KATNAL2: variants seen among roughly 807,000 people sequenced by gnomAD.
KATNAL2 encodes the protein katanin p60 ATPase-containing subunit A-like 2.
A neutral mutation model predicts 76.3 loss-of-function variants in KATNAL2; 52 were observed. The ratio of observed to expected loss-of-function variants is 0.68; its 90% CI spans 0.55 to 0.86. The LOEUF is 0.86. Ranked by LOEUF, KATNAL2 falls within the 40% of genes least tolerant of loss-of-function variation. The pLI is 0.00. For synonymous variants in KATNAL2, 243 were observed against 244.2 expected (o/e 1.00, Z 0.05); for missense variants, 660 against 668.9 (o/e 0.99, Z 0.15).
In KATNAL2 at chr18:46,921,279, C is replaced by T. The variant is rs560622417; in HGVS notation, c.-510+3353C>T. On this transcript the variant is annotated intron_variant, in intron 1 of 17. Coordinates refer to ENST00000683218, the MANE Select transcript of KATNAL2 (RefSeq NM_001387690.1). Reference sequence around the variant, plus strand: ...AGTAGCTGGGATTACAGGCACCCGCCACCATGCCCAGCTAATTTTTGTACT... The same window carrying T: ...AGTAGCTGGGATTACAGGCACCCGCTACCATGCCCAGCTAATTTTTGTACT... Among the ~76,000 whole-genome samples, 5 of 152,244 alleles carry T rather than the reference C, an allele frequency of 3.3e-5. 1 individual carries two copies. The highest frequency in any genetic ancestry group is 3.3e-4 in the Admixed American group (5 of 15,284).
At chr18:46,958,713 G>A (rs1389018401) in intron 3 of KATNAL2, among the ~76,000 whole-genome samples, 1 of 152,162 alleles carries the variant, frequency 6.6e-6, no homozygotes, top group Non-Finnish European at 1.5e-5. Context: ...TAACCTGAAT[G>A]TAAGAATCCT....
chr18:46,936,560 C>T (rs1030703463), intron 1 of KATNAL2, among the ~76,000 whole-genome samples: 1 of 151,994 alleles, frequency 6.6e-6, no homozygotes, highest in African/African-American at 2.4e-5. Flanking sequence ...GGCAACATAG[C>T]GAGATTCCAT....
At position 47,058,268 on chromosome 18, in the gene KATNAL2, G is replaced by T. The variant is rs1280577943; in HGVS notation, c.366G>T (p.Lys122Asn). Reference sequence around the variant, plus strand: ...ACGACAGTTGTCAAAATCTTCCCAAGATCAATCAGCAGAGGCCCCGGTCCA... The same window carrying T: ...ACGACAGTTGTCAAAATCTTCCCAATATCAATCAGCAGAGGCCCCGGTCCA... ...MMNDSCQNLP[K>N]INQQRPRSKT... Residue 122 changes from lysine to asparagine, a missense_variant, in exon 7 of 18, where the codon AAG (lysine) becomes AAT (asparagine). Coordinates refer to ENST00000683218, the MANE Select transcript of KATNAL2 (RefSeq NM_001387690.1). 6.2e-7 allele frequency: 1 copy of T among 1,613,998 alleles called. No homozygotes were observed. Among genetic ancestry groups the T allele is most frequent in the African/African-American group, 1.3e-5 (1 of 75,034 alleles).
intron 3 of KATNAL2, among the ~76,000 whole-genome samples, chr18:47,032,013 C>G (rs2060486690): frequency 2.0e-5 from 3 of 152,342 alleles, no homozygotes; most frequent in South Asian, 4.1e-4. Context: ...GTGATCTGAA[C>G]TCAAGGTAGT....
intron 15 of KATNAL2, among the ~76,000 whole-genome samples, chr18:47,097,342 AGTTCCATGGCC>A (rs2063292296): frequency 6.6e-6 from 1 of 152,162 alleles, no homozygotes; most frequent in African/African-American, 2.4e-5. Context: ...TACAACGGAG[AGTTCCATGGCC>A]ACCAGAAAAT....
At chr18:46,928,387 C>T (rs1449133637) in intron 1 of KATNAL2, among the ~76,000 whole-genome samples, 1 of 152,182 alleles carries the variant, frequency 6.6e-6, no homozygotes. Context: ...GCAGCGGTGG[C>T]TGCAGAACAG....
At chr18:46,936,580 ATAATC>A (rs2059099051) in intron 1 of KATNAL2, among the ~76,000 whole-genome samples, 2 of 152,206 alleles carry the variant, frequency 1.3e-5, no homozygotes, top group South Asian at 4.1e-4. Context: ...TCTCAAATGA[ATAATC>A]TAGGGGTCAA....
chr18:47,070,091 T>G (rs553646852), intron 13 of KATNAL2, among the ~76,000 whole-genome samples: 216 of 131,406 alleles, frequency 1.6e-3, no homozygotes, highest in African/African-American at 5.2e-3. Flanking sequence ...TAAGATTTTT[T>G]GCTTTCTTTT....
At chr18:47,049,879 GTTTA>G (rs1342980307) in intron 4 of KATNAL2, among the ~76,000 whole-genome samples, 4 of 152,172 alleles carry the variant, frequency 2.6e-5, no homozygotes, top group East Asian at 3.9e-4. Context: ...GACACTGTTT[GTTTA>G]TTTATTTATT....
At chr18:47,053,225 G>A (rs896182623) in intron 5 of KATNAL2, among the ~76,000 whole-genome samples, 179 bp downstream of exon 5, 4 of 152,146 alleles carry the variant, frequency 2.6e-5, no homozygotes, top group Non-Finnish European at 2.9e-5. Context: ...CCTGGACACT[G>A]ATATCCCTTT....
chr18:47,034,038 A>G (rs766682545), intron 3 of KATNAL2: 2 of 1,614,080 alleles, frequency 1.2e-6, no homozygotes, highest in Admixed American at 3.3e-5. Context: ...TCCTTTGTTT[A>G]TCTCCAAGTG....
At chr18:47,095,401 G>T (rs1798405461) in intron 15 of KATNAL2, among the ~76,000 whole-genome samples, 1 of 151,944 alleles carries the variant, frequency 6.6e-6, no homozygotes, top group Non-Finnish European at 1.5e-5. Context: ...TTTCCCCCAT[G>T]CTGTTCTCAT....
intron 3 of KATNAL2, among the ~76,000 whole-genome samples, chr18:47,036,611 AT>A (rs1476987626): frequency 6.6e-6 from 1 of 152,280 alleles, no homozygotes; most frequent in African/African-American, 2.4e-5. Flanking sequence ...CTTTAAAGAA[AT>A]TTTTACTCTT....
intron 3 of KATNAL2, chr18:47,033,955 T>G (rs1341016095): frequency 6.2e-7 from 1 of 1,613,206 alleles, no homozygotes. Flanking sequence ...CCTCTCTGAC[T>G]GGCTTTCCTG....
At chr18:47,096,602 C>T (rs1189964592) in intron 15 of KATNAL2, among the ~76,000 whole-genome samples, 1 of 152,106 alleles carries the variant, frequency 6.6e-6, no homozygotes, top group Admixed American at 6.5e-5. Flanking sequence ...GGATTACAGG[C>T]GTGAGCCACC....
intron 3 of KATNAL2, among the ~76,000 whole-genome samples, chr18:47,031,804 C>A (rs2060469467): frequency 6.6e-6 from 1 of 152,146 alleles, no homozygotes; most frequent in South Asian, 2.1e-4. Flanking sequence ...TGGTTACTGG[C>A]AGTGTCACAT....
At chr18:47,025,342 GT>G (rs1250255659) in intron 3 of KATNAL2, among the ~76,000 whole-genome samples, 1 of 118,064 alleles carries the variant, frequency 8.5e-6, no homozygotes, top group Non-Finnish European at 1.9e-5. Context: ...GCTGATATTG[GT>G]GCCACGGTTT....
intron 15 of KATNAL2, among the ~76,000 whole-genome samples, chr18:47,097,616 G>A (rs72905420): frequency 0.012 from 1,773 of 152,288 alleles, 20 homozygotes; most frequent in Non-Finnish European, 0.019. Flanking sequence ...GGGCAAGCAG[G>A]CTGGCCTAGA....
chr18:47,059,796 G>A, intron 8 of KATNAL2, 142 bp downstream of exon 8: 2 of 623,940 alleles, frequency 3.2e-6, no homozygotes, highest in South Asian at 3.9e-5. Context: ...ATGGAGAAGA[G>A]CGTCAGAAAA....
Sources: allele counts gnomAD v4.1 joint callset (sites outside exome capture counted in the v4.1 genomes callset), GRCh38; gene constraint gnomAD v4.1.1; transcripts MANE v1.5; gene names NCBI Gene and HGNC (gene_info 2026-07-23, HGNC 2026-07-21).